DAAM1: variants seen among roughly 807,000 people sequenced by gnomAD.
DAAM1 encodes the protein dishevelled associated activator of morphogenesis 1.
In DAAM1, 52 loss-of-function variants were observed where a neutral mutation model predicts 130.0. The ratio of observed to expected loss-of-function variants is 0.40; its 90% CI spans 0.32 to 0.50. DAAM1 has a LOEUF of 0.50. DAAM1 is among the 20% of genes least tolerant of loss of function. DAAM1 has a pLI of 0.61. For missense variants in DAAM1, 1,134 were observed against 1,303.8 expected, an observed-to-expected ratio of 0.87 and a Z score of 2.01; for synonymous variants, 452 against 444.5, an observed-to-expected ratio of 1.02 and a Z score of -0.21.
chr14:59,196,203 GACTT>G (rs553832179), intron 1 of DAAM1, among the ~76,000 whole-genome samples: 2 of 152,136 alleles, frequency 1.3e-5, no homozygotes, highest in Non-Finnish European at 2.9e-5. Flanking sequence ...GCTACTTCTG[GACTT>G]ACTCTTAGAT....
chr14:59,370,306 G>C lies in DAAM1; in HGVS notation c.*1447G>C, dbSNP rs1887114900. On this transcript the variant is annotated 3_prime_UTR_variant, in exon 25 of 25. Coordinates refer to ENST00000360909, the MANE Select transcript of DAAM1 (RefSeq NM_001270520.2). Reference sequence around the variant, plus strand: ...GAACATTATTTACTCACTAAATTGAGTTTTTCAGTCAATTAACAAATATTT... The same window carrying C: ...GAACATTATTTACTCACTAAATTGACTTTTTCAGTCAATTAACAAATATTT... 6.6e-6 allele frequency: 1 copy of C among 151,712 alleles called. No homozygotes were observed. Among genetic ancestry groups the C allele is most frequent in the Admixed American group, 6.6e-5 (1 of 15,216 alleles). 9.4% of individuals were successfully genotyped at this position (151,712 alleles called of 1,614,324 possible). A position where few individuals can be genotyped will look rare whatever the true frequency, so the allele number is the denominator to read the frequency against.
intron 1 of DAAM1, among the ~76,000 whole-genome samples, chr14:59,239,875 G>A (rs1267726591): frequency 2.0e-5 from 3 of 152,064 alleles, no homozygotes; most frequent in Non-Finnish European, 2.9e-5. Flanking sequence ...CATACATACC[G>A]AAACTTGAAT....
Position 59,323,242 on chromosome 14 carries a change from C to G in DAAM1, c.774+17C>G, listed in dbSNP as rs749978966. On this transcript the variant is annotated intron_variant, in intron 6 of 24. Coordinates refer to ENST00000360909, the MANE Select transcript of DAAM1 (RefSeq NM_001270520.2). Reference sequence around the variant, plus strand: ...CGCTTTCAGGTGGGTGTTCGCTCAGCCTTCTTCACTCACCCCTTCTTTAAA... The same window carrying G: ...CGCTTTCAGGTGGGTGTTCGCTCAGGCTTCTTCACTCACCCCTTCTTTAAA... The G allele has an allele frequency of 3.8e-6, 6 of 1,571,150 alleles. No individual in the cohort carries two copies. Among genetic ancestry groups the G allele is most frequent in the Admixed American group, 3.6e-5 (2 of 55,932 alleles).
At chr14:59,303,997 G>A (rs1884279781) in intron 3 of DAAM1, among the ~76,000 whole-genome samples, 1 of 152,188 alleles carries the variant, frequency 6.6e-6, no homozygotes, top group African/African-American at 2.4e-5. Context: ...TGTTATCCCT[G>A]TCCTTGAAAG....
rs386381493 is a variant in DAAM1, at chr14:59,327,402, CTTT to C, written c.1372+433_1372+435del. ...AAGAGAAGAACAGGTCACTTGGTTT[CTTT>C]TTTTTTTTTTTTTTTTTTTTTGAGA... On this transcript the variant is annotated intron_variant, in intron 12 of 24. Coordinates refer to ENST00000360909, the MANE Select transcript of DAAM1 (RefSeq NM_001270520.2). 1.7e-3 allele frequency among the ~76,000 whole-genome samples: 98 copies of C among 58,974 alleles called. 1 individual carries two copies. The South Asian group carries it at 0.048, about 29-fold the overall frequency. The allele number at this position is 58,974 out of a possible 152,430, so 38.7% of individuals were successfully genotyped here.
intron 4 of DAAM1, among the ~76,000 whole-genome samples, chr14:59,318,937 G>A (rs943174805): frequency 3.9e-5 from 6 of 152,194 alleles, no homozygotes; most frequent in African/African-American, 1.4e-4. Context: ...GCAGTAAAAT[G>A]TGTAGTCATT....
intron 3 of DAAM1, among the ~76,000 whole-genome samples, chr14:59,309,548 G>C (rs764644060): frequency 1.2e-4 from 19 of 152,154 alleles, no homozygotes; most frequent in Non-Finnish European, 2.8e-4. Flanking sequence ...CCAGTCACTT[G>C]TTTTAGTAAA....
intron 1 of DAAM1, among the ~76,000 whole-genome samples, 182 bp downstream of exon 1, chr14:59,188,950 G>C (rs890302764): frequency 1.1e-4 from 16 of 152,222 alleles, no homozygotes; most frequent in African/African-American, 3.9e-4. Context: ...TTGGGTCTGG[G>C]TGGGAACGGG....
chr14:59,341,791 T>A (rs945821144), intron 16 of DAAM1, among the ~76,000 whole-genome samples: 3 of 151,996 alleles, frequency 2.0e-5, no homozygotes, highest in African/African-American at 7.2e-5. Flanking sequence ...AGTTGTGGAG[T>A]TTTTTTTACA....
chr14:59,188,872 G>C (rs897267202), intron 1 of DAAM1, 104 bp downstream of exon 1: 5 of 153,316 alleles, frequency 3.3e-5, no homozygotes, highest in African/African-American at 1.2e-4. Context: ...CTGGGTTCGC[G>C]GCGCGCCCTC....
At chr14:59,222,138 A>G (rs1888793028) in intron 1 of DAAM1, among the ~76,000 whole-genome samples, 2 of 152,156 alleles carry the variant, frequency 1.3e-5, no homozygotes, top group African/African-American at 2.4e-5. Flanking sequence ...CTACTTCAGG[A>G]TGGTGCTTTA....
intron 12 of DAAM1, among the ~76,000 whole-genome samples, chr14:59,329,515 A>G (rs1234603673): frequency 6.6e-6 from 1 of 152,170 alleles, no homozygotes; most frequent in Non-Finnish European, 1.5e-5. Context: ...AAGAATTTAA[A>G]TGTGTTAGCA....
chr14:59,203,116 C>T (rs377171175), intron 1 of DAAM1, among the ~76,000 whole-genome samples: 7 of 150,940 alleles, frequency 4.6e-5, no homozygotes, highest in South Asian at 2.1e-4. Context: ...CTCAGCCTCC[C>T]GAGTAGTTAG....
intron 3 of DAAM1, among the ~76,000 whole-genome samples, chr14:59,305,126 C>T (rs1030159733): frequency 2.6e-5 from 4 of 152,176 alleles, no homozygotes; most frequent in Non-Finnish European, 4.4e-5. Context: ...AAGGGTTTAG[C>T]GTTGTGTGTC....
Position 59,225,019 on chromosome 14 carries a change from G to GTTTTT in DAAM1, c.-38+36274_-38+36278dup, listed in dbSNP as rs869233694. Among the ~76,000 whole-genome samples, 72 of 90,800 alleles carry GTTTTT rather than the reference G, an allele frequency of 7.9e-4. 6 individuals carry two copies. Among genetic ancestry groups the GTTTTT allele is most frequent in the African/African-American group, 1.3e-3 (28 of 21,450 alleles). The allele number at this position is 90,800 out of a possible 152,430, so 59.6% of individuals were successfully genotyped here. ...GACTGTAAGAAATAAATCTGTGTGG[G>GTTTTT]TTTTTTTTTTTTTTTTTTTTTTTTT... is the stretch of plus-strand genomic sequence containing the variant. On this transcript the variant is annotated intron_variant, in intron 1 of 24. Coordinates refer to ENST00000360909, the MANE Select transcript of DAAM1 (RefSeq NM_001270520.2).
chr14:59,317,882 C>T lies in DAAM1; in HGVS notation c.345+2531C>T, dbSNP rs868019547. ...ATGTGAAAGAGCCCTGGTTATCCCA[C>T]CTTCTCCCCACCCCCAGGCCTAGCA... On this transcript the variant is annotated intron_variant, in intron 4 of 24. Coordinates refer to ENST00000360909, the MANE Select transcript of DAAM1 (RefSeq NM_001270520.2). 2.0e-5 allele frequency among the ~76,000 whole-genome samples: 3 copies of T among 152,310 alleles called. No homozygotes were observed. In the South Asian group the frequency reaches 6.2e-4, roughly 32 times the overall value.
intron 3 of DAAM1, among the ~76,000 whole-genome samples, chr14:59,294,199 G>A (rs1467662290): frequency 1.3e-5 from 2 of 152,230 alleles, no homozygotes; most frequent in Non-Finnish European, 2.9e-5. Context: ...CAGAAGTTGT[G>A]AAGGCCAATG....
intron 1 of DAAM1, among the ~76,000 whole-genome samples, chr14:59,257,748 C>T (rs999557045): frequency 6.6e-6 from 1 of 152,196 alleles, no homozygotes; most frequent in Non-Finnish European, 1.5e-5. Context: ...CTAGCACCCC[C>T]ACGACTCAGC....
chr14:59,357,636 G>A (rs77212979), intron 20 of DAAM1, among the ~76,000 whole-genome samples: 18,114 of 152,192 alleles, frequency 0.12, 1,330 homozygotes, highest in African/African-American at 0.21. Context: ...AAGTTATCCA[G>A]GCGTGGTGTC....
Sources: gnomAD v4.1 joint callset for allele counts (sites outside exome capture counted in the v4.1 genomes callset) on GRCh38, gnomAD v4.1.1 for gene constraint, MANE v1.5 for transcripts, NCBI Gene and HGNC (gene_info 2026-07-23, HGNC 2026-07-21) for gene names.